MTIF2: variants seen among roughly 807,000 people sequenced by gnomAD.
MTIF2 encodes the protein mitochondrial translational initiation factor 2.
MTIF2 carries 71 observed loss-of-function variants against 83.5 expected under a neutral mutation model. That is an observed-to-expected ratio of 0.85 (90% CI 0.70 to 1.04). The LOEUF is 1.04. Among genes scored for constraint, MTIF2 ranks in the 50% least tolerant of loss-of-function variants. MTIF2 has a pLI of 0.00. For synonymous variants in MTIF2, 319 were observed against 287.1 expected (o/e 1.11, Z -1.12); for missense variants, 957 against 846.5 (o/e 1.13, Z -1.62).
At chr2:55,255,149 A>G (rs1241164723) in intron 5 of MTIF2, among the ~76,000 whole-genome samples, 1 of 151,558 alleles carries the variant, frequency 6.6e-6, no homozygotes, top group Non-Finnish European at 1.5e-5. Context: ...CTAAAAATTT[A>G]AGGTCACAAA....
intron 8 of MTIF2, 27 bp from the exon 9 acceptor site, chr2:55,249,561 G>A: frequency 3.7e-6 from 6 of 1,609,392 alleles, no homozygotes; most frequent in Non-Finnish European, 5.1e-6. Context: ...TAAAAAGAGT[G>A]AAAATGATGA....
Position 55,256,625 on chromosome 2 carries a change from C to T in MTIF2, c.332-1800G>A, listed in dbSNP as rs191431320. On this transcript the variant is annotated intron_variant, in intron 5 of 15. Transcript: ENST00000263629. ...GAGGCTGAGGAGAATTGCTTGAATC[C>T]GGGAGACAGAGGTTGAAGTAAGCCG... Among the ~76,000 whole-genome samples, 184 of 150,106 alleles carry T rather than the reference C, an allele frequency of 1.2e-3. 1 individual carries two copies. Among genetic ancestry groups the T allele is most frequent in the Non-Finnish European group, 4.3e-4 (29 of 67,636 alleles).
intron 4 of MTIF2, 92 bp downstream of exon 4, chr2:55,263,548 T>C: frequency 1.1e-6 from 1 of 927,616 alleles, no homozygotes. Context: ...AGGCGTAGGT[T>C]GCGGTGAGCT....
chr2:55,249,841 T>A (rs1271802530), intron 8 of MTIF2, among the ~76,000 whole-genome samples: 1 of 152,038 alleles, frequency 6.6e-6, no homozygotes, highest in African/African-American at 2.4e-5. Context: ...CCTGTAATCC[T>A]AGCACTTTGG....
At chr2:55,249,303 G>T (rs1676921790) in intron 9 of MTIF2, 92 bp downstream of exon 9, 1 of 1,454,522 alleles carries the variant, frequency 6.9e-7, no homozygotes, top group Non-Finnish European at 9.3e-7. Flanking sequence ...CACAAATTAT[G>T]TACATCAAAA....
Position 55,237,313 on chromosome 2 carries a change from G to A in MTIF2, c.1986C>T (p.Thr662=). ...CCTTCCAAATTACATGTCCATTACGGGTTAGTTTAAATTTTTTTTGTTTTT... is the reference window on the plus strand; with the variant it reads ...CCTTCCAAATTACATGTCCATTACGAGTTAGTTTAAATTTTTTTTGTTTTT... ...QLEKQKKFKL[T]RNGHVIWKGS... Residue 662 remains threonine, a synonymous_variant, in exon 15 of 16, where the codon ACC becomes ACT. Coordinates refer to ENST00000263629, the MANE Select transcript of MTIF2 (RefSeq NM_002453.3). 1 of 1,612,630 alleles carries A rather than the reference G, an allele frequency of 6.2e-7. No individual in the cohort carries two copies. Among genetic ancestry groups the A allele is most frequent in the East Asian group, 2.2e-5 (1 of 44,838 alleles).
intron 5 of MTIF2, among the ~76,000 whole-genome samples, chr2:55,258,945 A>C (rs1212303900): frequency 1.3e-5 from 2 of 151,910 alleles, no homozygotes; most frequent in Non-Finnish European, 2.9e-5. Flanking sequence ...ATGCCATTGC[A>C]CTCCAGCCTG....
At position 55,268,702 on chromosome 2, in the gene MTIF2, G is replaced by T. The variant is rs114288260; in HGVS notation, c.-199C>A. 3.2e-4 allele frequency: 49 copies of T among 152,208 alleles called. No homozygotes were observed. Among genetic ancestry groups the T allele is most frequent in the African/African-American group, 1.1e-3 (46 of 41,416 alleles). The allele number at this position is 152,208 out of a possible 1,614,324, so 9.4% of individuals were successfully genotyped here. On this transcript the variant is annotated 5_prime_UTR_variant, in exon 2 of 16. Coordinates refer to ENST00000263629, the MANE Select transcript of MTIF2 (RefSeq NM_002453.3). ...ACCCAGACGTTCTGACTCCCAGTAC[G>T]GTGTTGTTTCGCCGCTAGGATATCC...
intron 8 of MTIF2, among the ~76,000 whole-genome samples, chr2:55,250,185 T>C (rs187244802): frequency 3.2e-4 from 49 of 152,280 alleles, no homozygotes; most frequent in Non-Finnish European, 3.5e-4. Flanking sequence ...AATCCCGGCA[T>C]ACTCAAGTCT....
chr2:55,239,022 G>A (rs1371030425), intron 14 of MTIF2, among the ~76,000 whole-genome samples: 5 of 152,176 alleles, frequency 3.3e-5, no homozygotes, highest in African/African-American at 9.7e-5. Context: ...CAAAATAGCT[G>A]TCCAATATGC....
chr2:55,261,277 A>G (rs926760868), intron 5 of MTIF2, among the ~76,000 whole-genome samples: 2 of 152,172 alleles, frequency 1.3e-5, no homozygotes, highest in Non-Finnish European at 2.9e-5. Flanking sequence ...GGCTACTACC[A>G]GTATTTCTCT....
In MTIF2 at chr2:55,249,460, C is replaced by A; in HGVS notation, c.916G>T (p.Ala306Ser). 3.1e-6 allele frequency: 5 copies of A among 1,614,194 alleles called. No homozygotes were observed. Among genetic ancestry groups the A allele is most frequent in the Non-Finnish European group, 4.2e-6 (5 of 1,180,028 alleles). Residue 306 changes from alanine to serine, a missense_variant, in exon 9 of 16, where the codon GCT becomes TCT. By Grantham distance (99) the Ala-to-Ser change is moderately conservative. Around this residue, in one of 3 missense-constraint regions of MTIF2, gnomAD observed 733 missense variants for 648.7 expected, o/e 1.13. Coordinates refer to ENST00000263629, the MANE Select transcript of MTIF2 (RefSeq NM_002453.3). ...TAATCTTCACATACCACATCGTAAG[C>A]CAGCAGCTCTTTTTTCACTTTCTCA... ...DPEKVKKELL[A>S]YDVVCEDYGG...
chr2:55,249,649 T>TA (rs1381553029), intron 8 of MTIF2, 115 bp from the exon 9 acceptor site: 14 of 1,322,508 alleles, frequency 1.1e-5, no homozygotes, highest in Middle Eastern at 3.9e-4. Flanking sequence ...TGGATGTTTT[T>TA]ATCTAACAAA....
Position 55,254,733 on chromosome 2 carries a change from T to C in MTIF2, c.424A>G (p.Ile142Val), listed in dbSNP as rs374641337. The change falls in exon 6 of 16, where the codon ATA (isoleucine) becomes GTA (valine). Residue 142 changes from isoleucine to valine, a missense_variant. By Grantham distance (29) the Ile-to-Val change is conservative. Coordinates refer to ENST00000263629, the MANE Select transcript of MTIF2 (RefSeq NM_002453.3). ...HLDEVWIKEV[I>V]TKAGMKLKWS... ...TTTAACTTCATCCCTGCCTTCGTTA[T>C]CACTTCTTTGATCCAGACTTCATCT... The C allele has an allele frequency of 1.3e-4, 209 of 1,611,358 alleles. No homozygotes were observed. Among genetic ancestry groups the C allele is most frequent in the Non-Finnish European group, 1.7e-4 (204 of 1,178,936 alleles).
In MTIF2 at chr2:55,268,748, A is replaced by C. The variant is rs570304658; in HGVS notation, c.-236-9T>G. The stretch of plus-strand genomic sequence containing the variant: ...TATCCTTGTCAAGGAATCTGAAAAA[A>C]GTATGTTGCAAATACGTAGTTGCGT... On this transcript the variant is annotated splice_polypyrimidine_tract_variant and intron_variant, in intron 1 of 15. Transcript: ENST00000263629. 11 of 152,376 alleles carry C rather than the reference A, an allele frequency of 7.2e-5. No homozygotes were observed. The highest frequency in any genetic ancestry group is 2.6e-4 in the African/African-American group (11 of 41,596). 9.4% of individuals were successfully genotyped at this position (152,376 alleles called of 1,614,324 possible).
In MTIF2 at chr2:55,236,624, GTTATTTACATTT is replaced by G. The variant is rs757277150; in HGVS notation, c.*12_*23del. 16 of 1,564,980 alleles carry G rather than the reference GTTATTTACATTT, an allele frequency of 1.0e-5. No homozygotes were observed. The Admixed American group carries it at 3.0e-4, about 29-fold the overall frequency. ...TACCTTCAAACAAACAACACGTTGA[GTTATTTACATTT>G]TTAATGTAATTTTAAAATCCTGGAT... On this transcript the variant is annotated 3_prime_UTR_variant, in exon 16 of 16. Coordinates refer to ENST00000263629, the MANE Select transcript of MTIF2 (RefSeq NM_002453.3).
chr2:55,254,762 T>C lies in MTIF2; in HGVS notation c.395A>G (p.His132Arg). The C allele has an allele frequency of 6.2e-6, 10 of 1,610,462 alleles. No individual in the cohort carries two copies. Among genetic ancestry groups the C allele is most frequent in the Non-Finnish European group, 8.5e-6 (10 of 1,178,268 alleles). ...TTCTTTGATCCAGACTTCATCTAAA[T>C]GTGAGTCTGCTTCCAGTGAATCTAT... is the stretch of plus-strand genomic sequence containing the variant. ...IDIDSLEADS[H>R]LDEVWIKEVI... The change falls in exon 6 of 16, where the codon CAT becomes CGT. Residue 132 changes from histidine (H) to arginine (R), a missense_variant. Around this residue, in one of 3 missense-constraint regions of MTIF2, gnomAD observed 733 missense variants for 648.7 expected, o/e 1.13. Transcript: ENST00000263629.
intron 3 of MTIF2, among the ~76,000 whole-genome samples, chr2:55,264,093 A>G (rs1224957006): frequency 1.3e-5 from 2 of 152,220 alleles, no homozygotes; most frequent in Non-Finnish European, 2.9e-5. Context: ...TGTTACCACT[A>G]TGATAGAATT....
At chr2:55,267,399 T>A (rs558864909) in intron 3 of MTIF2, among the ~76,000 whole-genome samples, 170 bp downstream of exon 3, 1 of 152,206 alleles carries the variant, frequency 6.6e-6, no homozygotes, top group African/African-American at 2.4e-5. Flanking sequence ...CCTCAGGTGA[T>A]CTATCCGCCT....
Sources: allele counts gnomAD v4.1 joint callset (sites outside exome capture counted in the v4.1 genomes callset), GRCh38; gene constraint gnomAD v4.1.1; regional missense constraint gnomAD v4.1.1; transcripts MANE v1.5; gene names NCBI Gene and HGNC (gene_info 2026-07-23, HGNC 2026-07-21).